RBBP7: variants seen among roughly 807,000 people sequenced by gnomAD.
The protein encoded by RBBP7 is histone-binding protein RBBP7.
RBBP7 carries 5 observed loss-of-function variants against 35.2 expected under a neutral mutation model. The observed-to-expected ratio is 0.14, with a 90% CI of 0.07 to 0.30. RBBP7 has a LOEUF of 0.30. RBBP7 is among the 10% of genes least tolerant of loss of function. The pLI is 1.00. For synonymous variants in RBBP7, 140 were observed against 118.7 expected (o/e 1.18, Z -1.17); for missense variants, 155 against 327.5 (o/e 0.47, Z 4.07).
chrX:16,852,405 G>A (rs1930230521), intron 8 of RBBP7, 146 bp downstream of exon 8: 1 of 662,876 alleles, frequency 1.5e-6, no homozygotes, highest in East Asian at 3.3e-5. Flanking sequence ...CTTCAACAAG[G>A]TGTACCTTAC....
At chrX:16,861,608 G>C (rs989594364) in intron 3 of RBBP7, among the ~76,000 whole-genome samples, 1 of 111,756 alleles carries the variant, frequency 8.9e-6, no homozygotes, top group African/African-American at 3.3e-5. Context: ...TTGGCCTCCC[G>C]AAGTGTTGGG....
intron 2 of RBBP7, among the ~76,000 whole-genome samples, chrX:16,868,459 T>TA (rs1930682190): frequency 8.9e-6 from 1 of 112,149 alleles, no homozygotes; most frequent in South Asian, 3.7e-4. Context: ...CAACAGGACG[T>TA]AGATTCTTCA....
Position 16,853,510 on chromosome X carries a change from C to A in RBBP7, c.758+172G>T, listed in dbSNP as rs989134766. 1.1e-4 allele frequency: 41 copies of A among 386,296 alleles called. 2 individuals carry two copies. In the South Asian group the frequency reaches 3.1e-3, roughly 30 times the overall value. The allele number at this position is 386,296 out of a possible 1,213,427, so 31.8% of individuals were successfully genotyped here. A position where few individuals can be genotyped will look rare whatever the true frequency, so the allele number is the denominator to read the frequency against. ...AGAGTCTCACACTCCTGGTCTCAAGCAATCCTCCTGCCTCAGCTTCCCAAG... is the reference window on the plus strand; with the variant it reads ...AGAGTCTCACACTCCTGGTCTCAAGAAATCCTCCTGCCTCAGCTTCCCAAG... On this transcript the variant is annotated intron_variant, in intron 6 of 11. Transcript: ENST00000380087.
At chrX:16,869,601 G>C (rs932803446) in intron 1 of RBBP7, 1 of 1,164,544 alleles carries the variant, frequency 8.6e-7, no homozygotes. Flanking sequence ...ATCCCCATCA[G>C]GGGAGGCCCC....
At chrX:16,853,548 C>T in intron 6 of RBBP7, 134 bp downstream of exon 6, 1 of 512,497 alleles carries the variant, frequency 2.0e-6, no homozygotes, top group Middle Eastern at 4.3e-4. Context: ...ATTGAGATTA[C>T]AGGAGTAAGC....
chrX:16,863,852 G>C (rs370363660), intron 2 of RBBP7, among the ~76,000 whole-genome samples: 1 of 111,242 alleles, frequency 9.0e-6, no homozygotes, highest in Non-Finnish European at 1.9e-5. Context: ...AGTGATTTTT[G>C]CATCAGTATC....
intron 9 of RBBP7, among the ~76,000 whole-genome samples, chrX:16,851,052 A>G (rs1930200898): frequency 9.2e-6 from 1 of 108,634 alleles, no homozygotes; most frequent in African/African-American, 3.4e-5. Flanking sequence ...TGAACCTGGG[A>G]GGCAGAGGTT....
chrX:16,853,590 A>G (rs1930266537), intron 6 of RBBP7, 92 bp downstream of exon 6: 2 of 388,315 alleles, frequency 5.2e-6, no homozygotes. Context: ...GCCATAACTT[A>G]AAAAAAAAAA....
chrX:16,868,239 T>C (rs763360676), intron 2 of RBBP7, among the ~76,000 whole-genome samples: 3 of 111,688 alleles, frequency 2.7e-5, no homozygotes, highest in South Asian at 7.4e-4. Flanking sequence ...TAAACCACTG[T>C]GCCTGACCCC....
Position 16,869,234 on chromosome X carries a change from A to G in RBBP7, c.17-14T>C. The G allele has an allele frequency of 1.7e-6, 2 of 1,201,134 alleles. No homozygotes were observed. On this transcript the variant is annotated splice_polypyrimidine_tract_variant and intron_variant, in intron 1 of 11. Transcript: ENST00000380087. ...TATCTTCAAACACTGAAATTTGGAG[A>G]AAGCCCACACGATTAAGTGGCTGAG...
At chrX:16,865,730 A>G (rs1200240977) in intron 2 of RBBP7, among the ~76,000 whole-genome samples, 1 of 112,474 alleles carries the variant, frequency 8.9e-6, no homozygotes, top group Non-Finnish European at 1.9e-5. Flanking sequence ...AATTTAGCCA[A>G]GCATCACATA....
At chrX:16,867,561 T>C (rs1930654946) in intron 2 of RBBP7, among the ~76,000 whole-genome samples, 1 of 112,031 alleles carries the variant, frequency 8.9e-6, no homozygotes, top group Non-Finnish European at 1.9e-5. Flanking sequence ...CATTTATATT[T>C]AGATTTTTGG....
chrX:16,855,659 G>A (rs182829804), intron 5 of RBBP7, among the ~76,000 whole-genome samples: 14 of 110,714 alleles, frequency 1.3e-4, no homozygotes, highest in African/African-American at 4.6e-4. Flanking sequence ...GGGTTACTGA[G>A]TACAATCCAC....
intron 11 of RBBP7, among the ~76,000 whole-genome samples, chrX:16,845,598 G>A (rs999587943): frequency 8.9e-6 from 1 of 112,303 alleles, no homozygotes; most frequent in Non-Finnish European, 1.9e-5. Flanking sequence ...AATCAGTGCA[G>A]ATGCAGAGAT....
chrX:16,853,667 A>G lies in RBBP7; in HGVS notation c.758+15T>C, dbSNP rs1283922995. The stretch of plus-strand genomic sequence containing the variant: ...TCACCCATTTAACAAGATCCCACTG[A>G]ATTTTCCACCTTACATCATAAGTTT... On this transcript the variant is annotated intron_variant, in intron 6 of 11. Transcript: ENST00000380087. The G allele has an allele frequency of 9.0e-7, 1 of 1,108,599 alleles. No individual in the cohort carries two copies. The highest frequency in any genetic ancestry group is 1.9e-5 in the African/African-American group (1 of 53,151). 91.4% of individuals were successfully genotyped at this position (1,108,599 alleles called of 1,213,427 possible).
intron 5 of RBBP7, among the ~76,000 whole-genome samples, chrX:16,855,526 C>A (rs1387056173): frequency 8.9e-6 from 1 of 111,779 alleles, no homozygotes; most frequent in East Asian, 2.8e-4. Flanking sequence ...GCCATTCACA[C>A]TGACTCAGAA....
chrX:16,867,636 G>A (rs912298980), intron 2 of RBBP7, among the ~76,000 whole-genome samples: 1 of 111,181 alleles, frequency 9.0e-6, no homozygotes, highest in East Asian at 2.8e-4. Flanking sequence ...CCCGGCCACT[G>A]TAAGAGCAGT....
chrX:16,853,673 C>T lies in RBBP7; in HGVS notation c.758+9G>A. Reference sequence around the variant, plus strand: ...ATTTAACAAGATCCCACTGAATTTTCCACCTTACATCATAAGTTTCTGATC... The same window carrying T: ...ATTTAACAAGATCCCACTGAATTTTTCACCTTACATCATAAGTTTCTGATC... On this transcript the variant is annotated intron_variant, in intron 6 of 11. Transcript: ENST00000380087. 1 of 1,115,403 alleles carries T rather than the reference C, an allele frequency of 9.0e-7. No individual in the cohort carries two copies. Among genetic ancestry groups the T allele is most frequent in the Non-Finnish European group, 1.2e-6 (1 of 846,335 alleles). 91.9% of individuals were successfully genotyped at this position (1,115,403 alleles called of 1,213,427 possible). A position where few individuals can be genotyped will look rare whatever the true frequency, so the allele number is the denominator to read the frequency against.
At chrX:16,866,757 CATTTTTACTG>C (rs1930635162) in intron 2 of RBBP7, among the ~76,000 whole-genome samples, 2 of 109,810 alleles carry the variant, frequency 1.8e-5, no homozygotes, top group Non-Finnish European at 3.8e-5. Flanking sequence ...GAATAGTCAA[CATTTTTACTG>C]TTCTGTATGG....
Sources: gnomAD v4.1 joint callset for allele counts (sites outside exome capture counted in the v4.1 genomes callset) on GRCh38, gnomAD v4.1.1 for gene constraint, MANE v1.5 for transcripts, NCBI Gene and HGNC (gene_info 2026-07-23, HGNC 2026-07-21) for gene names.